The following CAT variants were observed in gnomAD, a reference collection of about 807,000 sequenced individuals.
CAT encodes catalase, also known as epididymis secretory sperm binding protein.
A neutral mutation model predicts 59.0 loss-of-function variants in CAT; 43 were observed. The observed-to-expected ratio is 0.73, with a 90% CI of 0.57 to 0.94. The LOEUF is 0.94. CAT is among the 40% of genes least tolerant of loss of function. CAT has a pLI of 0.00. For synonymous variants in CAT, 218 were observed against 230.9 expected, an observed-to-expected ratio of 0.94 and a Z score of 0.51; for missense variants, 664 against 682.9, an observed-to-expected ratio of 0.97 and a Z score of 0.31.
At chr11:34,467,133 G>C (rs1225621407) in intron 10 of CAT, among the ~76,000 whole-genome samples, 2 of 152,144 alleles carry the variant, frequency 1.3e-5, no homozygotes, top group Non-Finnish European at 2.9e-5. Context: ...TATTTAAAGA[G>C]ATGCAAAAAA....
At chr11:34,466,236 A>G (rs192854311) in intron 10 of CAT, among the ~76,000 whole-genome samples, 1 of 152,374 alleles carries the variant, frequency 6.6e-6, no homozygotes, top group Admixed American at 6.5e-5. Flanking sequence ...TTTCTACGCC[A>G]TCTGTCAGAA....
At chr11:34,469,341 C>T (rs974108603) in intron 11 of CAT, among the ~76,000 whole-genome samples, 4 of 152,070 alleles carry the variant, frequency 2.6e-5, no homozygotes, top group Non-Finnish European at 5.9e-5. Context: ...AGAATGGATA[C>T]GACAGCTTGT....
Position 34,471,430 on chromosome 11 carries a change from G to T in CAT, c.1581G>T (p.Leu527=). Residue 527 remains leucine (L), a synonymous_variant, in exon 13 of 13, where the codon CTG becomes CTT. Coordinates refer to ENST00000241052, the MANE Select transcript of CAT (RefSeq NM_001752.4). Reference sequence around the variant, plus strand: ...TGGCGGCAAGGGAGAAGGCAAATCTGTGAGGCCGGGGCCCTGCACCTGTGC... The same window carrying T: ...TGGCGGCAAGGGAGAAGGCAAATCTTTGAGGCCGGGGCCCTGCACCTGTGC... ...SHLAAREKAN[L] The T allele has an allele frequency of 6.2e-7, 1 of 1,613,728 alleles. No individual in the cohort carries two copies. The highest frequency in any genetic ancestry group is 8.5e-7 in the Non-Finnish European group (1 of 1,179,622).
rs752717668 is a variant in CAT at position 34,449,328 on chromosome 11, G to A, written c.203G>A (p.Arg68Lys). The A allele has an allele frequency of 2.5e-6, 4 of 1,614,204 alleles. No individual in the cohort carries two copies. In the East Asian group the frequency reaches 8.9e-5, roughly 36 times the overall value. ...TDEMAHFDRERIPERVVHAKG... is the reference protein window; with the variant it reads ...TDEMAHFDREKIPERVVHAKG... ...GAAATGGCTCATTTTGACCGAGAGAGAATTCCTGAGAGAGTTGTGCATGCT... is the reference window on the plus strand; with the variant it reads ...GAAATGGCTCATTTTGACCGAGAGAAAATTCCTGAGAGAGTTGTGCATGCT... The change falls in exon 2 of 13, where the codon AGA becomes AAA. Residue 68 changes from arginine to lysine, a missense_variant. Transcript: ENST00000241052.
At position 34,452,222 on chromosome 11, in the gene CAT, AT is replaced by A. The variant is rs757869575; in HGVS notation, c.480+19del. 6.2e-7 allele frequency: 1 copy of A among 1,612,288 alleles called. No individual in the cohort carries two copies. Among genetic ancestry groups the A allele is most frequent in the South Asian group, 1.1e-5 (1 of 91,036 alleles). ...ATCCCATATTGGTAGGTAATAGAGTATTTTGCACTCAACAAATGTTTGTTGA... is the reference window on the plus strand; with the variant it reads ...ATCCCATATTGGTAGGTAATAGAGTATTTGCACTCAACAAATGTTTGTTGA... On this transcript the variant is annotated intron_variant, in intron 4 of 12. Coordinates refer to ENST00000241052, the MANE Select transcript of CAT (RefSeq NM_001752.4).
chr11:34,471,702 T>C lies in CAT; in HGVS notation c.*269T>C. 2.1e-6 allele frequency: 1 copy of C among 474,638 alleles called. No individual in the cohort carries two copies. Among genetic ancestry groups the C allele is most frequent in the Non-Finnish European group, 3.8e-6 (1 of 261,692 alleles). 29.4% of individuals were successfully genotyped at this position (474,638 alleles called of 1,614,324 possible). On this transcript the variant is annotated 3_prime_UTR_variant, in exon 13 of 13. Coordinates refer to ENST00000241052, the MANE Select transcript of CAT (RefSeq NM_001752.4). ...ATTTAAAATGATTAGAAGGCAAGTT[T>C]CTAGCTAGAAATATGATTTTATTTG...
Position 34,439,055 on chromosome 11 carries a change from C to T in CAT, c.42C>T (p.His14=). The T allele has an allele frequency of 1.9e-6, 3 of 1,598,310 alleles. No homozygotes were observed. The highest frequency in any genetic ancestry group is 2.6e-6 in the Non-Finnish European group (3 of 1,172,594). Reference sequence around the variant, plus strand: ...ATCCCGCCAGCGACCAGATGCAGCACTGGAAGGAGCAGCGGGCCGCGCAGG... The same window carrying T: ...ATCCCGCCAGCGACCAGATGCAGCATTGGAAGGAGCAGCGGGCCGCGCAGG... ...SRDPASDQMQ[H]WKEQRAAQKA... is the part of the protein sequence containing the mutation. The change falls in exon 1 of 13, where the codon CAC becomes CAT. Residue 14 remains histidine (H), a synonymous_variant. Coordinates refer to ENST00000241052, the MANE Select transcript of CAT (RefSeq NM_001752.4).
At chr11:34,468,634 T>C (rs1856744805) in intron 11 of CAT, 2 of 577,586 alleles carry the variant, frequency 3.5e-6, no homozygotes, top group Admixed American at 6.0e-5. Flanking sequence ...TTTAGTTGTG[T>C]TCAGACTGAA....
chr11:34,468,273 C>T lies in CAT; in HGVS notation c.1327-15C>T, dbSNP rs1856741210. On this transcript the variant is annotated splice_polypyrimidine_tract_variant and intron_variant, in intron 10 of 12. Coordinates refer to ENST00000241052, the MANE Select transcript of CAT (RefSeq NM_001752.4). ...GGTGATTCAATTCTCTGCACTTGCT[C>T]TTTTCTCTGAGCAGGTGCGGGCATT... The T allele has an allele frequency of 6.3e-7, 1 of 1,599,346 alleles. No individual in the cohort carries two copies. Among genetic ancestry groups the T allele is most frequent in the Non-Finnish European group, 8.6e-7 (1 of 1,166,586 alleles).
intron 6 of CAT, among the ~76,000 whole-genome samples, chr11:34,455,532 A>T (rs77871711): frequency 8.4e-6 from 1 of 118,982 alleles, no homozygotes; most frequent in Non-Finnish European, 1.8e-5. Context: ...ATGATTTATT[A>T]AAAAAAAAAA....
intron 1 of CAT, among the ~76,000 whole-genome samples, chr11:34,441,992 T>C (rs1451817549): frequency 1.3e-5 from 2 of 152,176 alleles, no homozygotes; most frequent in Non-Finnish European, 2.9e-5. Flanking sequence ...GTATGGGAGT[T>C]CCAGTTGCTC....
intron 6 of CAT, 97 bp downstream of exon 6, chr11:34,454,023 T>C: frequency 1.5e-6 from 2 of 1,325,170 alleles, no homozygotes; most frequent in Non-Finnish European, 2.1e-6. Context: ...TTCTCCCACT[T>C]TTCCCTCACC....
At chr11:34,444,474 G>C (rs1856426291) in intron 1 of CAT, among the ~76,000 whole-genome samples, 1 of 152,150 alleles carries the variant, frequency 6.6e-6, no homozygotes, top group African/African-American at 2.4e-5. Context: ...GAAATTTGAA[G>C]GTCAGGACAG....
chr11:34,470,913 T>TA (rs751084073), intron 11 of CAT, 45 bp from the exon 12 acceptor site: 1 of 1,458,378 alleles, frequency 6.9e-7, no homozygotes, highest in Non-Finnish European at 9.6e-7. Flanking sequence ...AGTGATATAG[T>TA]AGGGAGTTAG....
At chr11:34,455,153 A>C (rs942013169) in intron 6 of CAT, among the ~76,000 whole-genome samples, 1 of 152,134 alleles carries the variant, frequency 6.6e-6, no homozygotes, top group African/African-American at 2.4e-5. Flanking sequence ...GTACATGGTG[A>C]CCTTCATTGT....
chr11:34,464,226 C>G lies in CAT; in HGVS notation c.1317C>G (p.Asn439Lys). ...GATTCAACACTGCCAATGATGATAA[C>G]GTTACTCAGGTAATGACTTCTCTTT... ...VRRFNTANDD[N>K]VTQVRAFYVN... is the part of the protein sequence containing the mutation. The change falls in exon 10 of 13, where the codon AAC becomes AAG. Residue 439 changes from asparagine (N) to lysine (K), a missense_variant. Physicochemically the swap from Asn to Lys is moderately conservative, Grantham distance 94 (BLOSUM62 0). Coordinates refer to ENST00000241052, the MANE Select transcript of CAT (RefSeq NM_001752.4). 1 of 1,614,030 alleles carries G rather than the reference C, an allele frequency of 6.2e-7. No individual in the cohort carries two copies. Among genetic ancestry groups the G allele is most frequent in the Non-Finnish European group, 8.5e-7 (1 of 1,179,906 alleles).
At chr11:34,461,600 A>G (rs7113917) in intron 9 of CAT, among the ~76,000 whole-genome samples, 34,328 of 152,226 alleles carry the variant, frequency 0.23, 4,304 homozygotes, top group East Asian at 0.48. Context: ...TCTATTTTAT[A>G]TATTTTATTG....
intron 12 of CAT, 152 bp downstream of exon 12, chr11:34,471,193 T>G (rs1166586018): frequency 4.4e-6 from 4 of 906,708 alleles, no homozygotes; most frequent in East Asian, 2.5e-5. Flanking sequence ...ATTTGAGAGA[T>G]AAAGAATTCA....
intron 10 of CAT, among the ~76,000 whole-genome samples, chr11:34,464,833 C>G (rs1236596928): frequency 6.6e-6 from 1 of 152,022 alleles, no homozygotes; most frequent in Non-Finnish European, 1.5e-5. Context: ...GCGTCTTTCT[C>G]CATTATTACT....
Sources: gnomAD v4.1 joint callset for allele counts (sites outside exome capture counted in the v4.1 genomes callset) on GRCh38, gnomAD v4.1.1 for gene constraint, MANE v1.5 for transcripts, NCBI Gene and HGNC (gene_info 2026-07-23, HGNC 2026-07-21) for gene names.